Variants in DCDC2C observed in about 807,000 individuals in gnomAD.
DCDC2C encodes the protein doublecortin domain-containing protein 2C.
A neutral mutation model predicts 45.0 loss-of-function variants in DCDC2C; 44 were observed. The ratio of observed to expected loss-of-function variants is 0.98; its 90% CI spans 0.77 to 1.26. The LOEUF (loss-of-function observed/expected upper bound fraction) is 1.26. DCDC2C is among the 50% of genes most tolerant of loss of function. DCDC2C has a pLI of 0.00. For missense variants in DCDC2C, 447 were observed against 468.9 expected (o/e 0.95, Z 0.43); for synonymous variants, 187 against 178.8 (o/e 1.05, Z -0.37).
At chr2:3,843,273 A>C (rs569496002) in intron 10 of DCDC2C, among the ~76,000 whole-genome samples, 3 of 152,296 alleles carry the variant, frequency 2.0e-5, no homozygotes, top group Admixed American at 1.3e-4. Context: ...CTGGGCCACA[A>C]AGTGGATATG....
At chr2:3,808,858 A>G (rs1671321850) in intron 10 of DCDC2C, among the ~76,000 whole-genome samples, 1 of 151,982 alleles carries the variant, frequency 6.6e-6, no homozygotes, top group Non-Finnish European at 1.5e-5. Flanking sequence ...CTACTGTTTT[A>G]TTTTGGAAGT....
At chr2:3,803,626 T>G (rs1671163695) in intron 10 of DCDC2C, among the ~76,000 whole-genome samples, 1 of 152,242 alleles carries the variant, frequency 6.6e-6, no homozygotes, top group African/African-American at 2.4e-5. Context: ...AGATGCTGCT[T>G]CATCTCAAGT....
At chr2:3,830,233 T>G (rs1052770631) in intron 10 of DCDC2C, among the ~76,000 whole-genome samples, 5 of 152,220 alleles carry the variant, frequency 3.3e-5, no homozygotes, top group Admixed American at 6.5e-5. Flanking sequence ...TCCCAAATAT[T>G]TGGTAGGTGA....
At chr2:3,771,033 G>A (rs7559461) in intron 8 of DCDC2C, among the ~76,000 whole-genome samples, 72,480 of 152,120 alleles carry the variant, frequency 0.48, 17,547 homozygotes, top group East Asian at 0.67. Context: ...CTGTCAAGCG[G>A]CAATATTAAC....
chr2:3,835,024 A>C (rs1672041743), intron 10 of DCDC2C, among the ~76,000 whole-genome samples: 2 of 152,258 alleles, frequency 1.3e-5, no homozygotes, highest in South Asian at 4.1e-4. Context: ...ATAACTAGAA[A>C]GTAGGTTTTA....
chr2:3,846,110 C>T (rs1167889281), intron 10 of DCDC2C, among the ~76,000 whole-genome samples: 2 of 151,916 alleles, frequency 1.3e-5, no homozygotes, highest in African/African-American at 2.4e-5. Flanking sequence ...CTCCTTCCTT[C>T]CTTTCTCCCT....
intron 9 of DCDC2C, among the ~76,000 whole-genome samples, chr2:3,781,382 A>C (rs1483073435): frequency 6.6e-6 from 1 of 152,250 alleles, no homozygotes; most frequent in Non-Finnish European, 1.5e-5. Context: ...GACCTCCTCA[A>C]AGACCGGGAT....
intron 1 of DCDC2C, among the ~76,000 whole-genome samples, chr2:3,706,764 AAG>A (rs2148038044): frequency 6.6e-6 from 1 of 152,338 alleles, no homozygotes. Flanking sequence ...TGACAGGAGA[AAG>A]AGGAAAAGTG....
chr2:3,752,557 A>C (rs1558578133), intron 4 of DCDC2C: 2 of 673,080 alleles, frequency 3.0e-6, no homozygotes, highest in Non-Finnish European at 2.7e-6. Context: ...TTAATTAAAA[A>C]ATCTAAAAGT....
intron 3 of DCDC2C, among the ~76,000 whole-genome samples, chr2:3,737,755 G>A (rs1401577204): frequency 1.3e-5 from 2 of 152,204 alleles, no homozygotes; most frequent in Non-Finnish European, 2.9e-5. Flanking sequence ...GGCTAGTGCT[G>A]AGGAAATGGC....
At chr2:3,839,489 A>G (rs1255064300) in intron 10 of DCDC2C, among the ~76,000 whole-genome samples, 1 of 152,200 alleles carries the variant, frequency 6.6e-6, no homozygotes, top group Non-Finnish European at 1.5e-5. Flanking sequence ...AAAATGTACA[A>G]TTGAGGAAAT....
At chr2:3,804,400 C>T (rs925701808) in intron 10 of DCDC2C, among the ~76,000 whole-genome samples, 6 of 152,152 alleles carry the variant, frequency 3.9e-5, no homozygotes, top group Non-Finnish European at 8.8e-5. Context: ...TCATTTCCTG[C>T]TTTTAATTTC....
rs1667930889 is a variant in DCDC2C at position 3,703,596 on chromosome 2, A to AGCCCCCGTCCCGTCCCCGTCCC, written c.-154_-133dup. 1 of 702,044 alleles carries AGCCCCCGTCCCGTCCCCGTCCC rather than the reference A, an allele frequency of 1.4e-6. No homozygotes were observed. 43.5% of individuals were successfully genotyped at this position (702,044 alleles called of 1,614,324 possible). On this transcript the variant is annotated 5_prime_UTR_variant, in exon 1 of 11. Transcript: ENST00000399143. The surrounding 1 kb of genome is among the most constrained non-coding windows in gnomAD (Gnocchi z 4.4). ...TGGCAGCCCCGTCCCGTCCCCGTCCAGCCCCCGTCCCGTCCCCGTCCCGTC... is the reference window on the plus strand; with the variant it reads ...TGGCAGCCCCGTCCCGTCCCCGTCCAGCCCCCGTCCCGTCCCCGTCCCGCCCCCGTCCCGTCCCCGTCCCGTC...
chr2:3,810,332 A>C (rs111608848), intron 10 of DCDC2C, among the ~76,000 whole-genome samples: 91,245 of 152,118 alleles, frequency 0.6, 27,984 homozygotes, highest in East Asian at 0.73. Context: ...ATTTGCATTT[A>C]TCTGATGATC....
chr2:3,813,907 T>C (rs1671487531), intron 10 of DCDC2C, among the ~76,000 whole-genome samples: 1 of 152,102 alleles, frequency 6.6e-6, no homozygotes, highest in Admixed American at 6.5e-5. Flanking sequence ...CATTAGGCCA[T>C]TTATATTTAA....
intron 2 of DCDC2C, among the ~76,000 whole-genome samples, chr2:3,725,749 G>C (rs1183785200): frequency 5.5e-5 from 3 of 54,090 alleles, no homozygotes; most frequent in Non-Finnish European, 1.2e-4. Flanking sequence ...CCCGGAGAGA[G>C]ACTGCCAGAG....
At position 3,763,745 on chromosome 2, in the gene DCDC2C, C is replaced by T. The variant is rs182215245; in HGVS notation, c.727-4009C>T. On this transcript the variant is annotated intron_variant, in intron 6 of 10. Transcript: ENST00000399143. ...CACAGCCCACCGTTTAGAATGGACT[C>T]TGCTCTTTTGGGCTGGACACAAAAC... Among the ~76,000 whole-genome samples, 600 of 152,322 alleles carry T rather than the reference C, an allele frequency of 3.9e-3. 3 individuals are homozygous for T. Among genetic ancestry groups the T allele is most frequent in the Non-Finnish European group, 6.4e-3 (435 of 68,030 alleles).
intron 10 of DCDC2C, among the ~76,000 whole-genome samples, chr2:3,831,454 A>G (rs909368983): frequency 1.3e-5 from 2 of 152,212 alleles, no homozygotes; most frequent in Admixed American, 6.5e-5. Context: ...AACATCGGCA[A>G]CTGTAACGCA....
intron 10 of DCDC2C, among the ~76,000 whole-genome samples, chr2:3,787,992 C>T (rs533883968): frequency 9.7e-4 from 147 of 152,280 alleles, no homozygotes; most frequent in African/African-American, 3.5e-3. Flanking sequence ...TTAAAAACAG[C>T]AACAACAAAA....
Sources: allele counts gnomAD v4.1 joint callset (sites outside exome capture counted in the v4.1 genomes callset), GRCh38; gene constraint gnomAD v4.1.1; non-coding constraint Gnocchi (gnomAD v3.1); transcripts MANE v1.5; gene names NCBI Gene and HGNC (gene_info 2026-07-23, HGNC 2026-07-21).